CNTN4: variants seen among roughly 807,000 people sequenced by gnomAD.
The protein encoded by CNTN4 is contactin 4, also known as contactin-4.
Under a neutral mutation model 122.5 loss-of-function variants are expected in CNTN4, and 77 were observed. The ratio of observed to expected loss-of-function variants is 0.63; its 90% CI spans 0.52 to 0.76. The LOEUF is 0.76. Among genes scored for constraint, CNTN4 ranks in the 30% least tolerant of loss-of-function variants. CNTN4 has a pLI of 0.00. For missense variants in CNTN4, 1,256 were observed against 1,259.1 expected, an observed-to-expected ratio of 1.00 and a Z score of 0.04; for synonymous variants, 512 against 447.0, an observed-to-expected ratio of 1.15 and a Z score of -1.83.
At chr3:2,712,407 G>C (rs1317001325) in intron 4 of CNTN4, among the ~76,000 whole-genome samples, 1 of 152,286 alleles carries the variant, frequency 6.6e-6, no homozygotes, top group Middle Eastern at 3.4e-3. Context: ...AGCTAGTATA[G>C]AGGAGAAAAG....
intron 3 of CNTN4, among the ~76,000 whole-genome samples, chr3:2,409,890 T>C (rs1015937462): frequency 3.3e-5 from 5 of 152,112 alleles, no homozygotes; most frequent in African/African-American, 1.2e-4. Context: ...ACAGATACAG[T>C]TTATGGCTGA....
At chr3:2,640,124 A>C (rs1461611725) in intron 4 of CNTN4, among the ~76,000 whole-genome samples, 1 of 152,210 alleles carries the variant, frequency 6.6e-6, no homozygotes, top group East Asian at 1.9e-4. Context: ...TAAGAGAATA[A>C]TCTGACATTG....
intron 2 of CNTN4, among the ~76,000 whole-genome samples, chr3:2,291,004 A>G (rs776712587): frequency 2.0e-5 from 3 of 152,212 alleles, no homozygotes; most frequent in Non-Finnish European, 4.4e-5. Flanking sequence ...TTTTTAAAAG[A>G]ATCCAACTAT....
chr3:2,465,872 A>G (rs963504760), intron 3 of CNTN4, among the ~76,000 whole-genome samples: 12 of 152,170 alleles, frequency 7.9e-5, no homozygotes, highest in African/African-American at 2.4e-4. Context: ...GATAATTTAC[A>G]TAACATTTTG....
At chr3:2,406,665 C>A (rs1194724894) in intron 3 of CNTN4, among the ~76,000 whole-genome samples, 1 of 152,036 alleles carries the variant, frequency 6.6e-6, no homozygotes, top group Non-Finnish European at 1.5e-5. Context: ...TAATATTGTA[C>A]AACATACCTC....
intron 2 of CNTN4, among the ~76,000 whole-genome samples, chr3:2,210,975 G>A (rs1249749559): frequency 1.3e-5 from 2 of 152,084 alleles, no homozygotes; most frequent in East Asian, 1.9e-4. Flanking sequence ...CTTGAATCAC[G>A]CAGTGTGTAT....
chr3:2,500,688 A>G (rs2076571162), intron 3 of CNTN4, among the ~76,000 whole-genome samples: 1 of 152,026 alleles, frequency 6.6e-6, no homozygotes, highest in East Asian at 1.9e-4. Flanking sequence ...TTCTGAAGAC[A>G]ACTTTTGATA....
chr3:2,552,598 A>C (rs1450017858), intron 3 of CNTN4, among the ~76,000 whole-genome samples: 1 of 152,198 alleles, frequency 6.6e-6, no homozygotes, highest in African/African-American at 2.4e-5. Context: ...GGCACAGAAA[A>C]GGTGATTTAT....
intron 2 of CNTN4, among the ~76,000 whole-genome samples, chr3:2,336,481 T>C (rs1252451885): frequency 6.6e-6 from 1 of 152,302 alleles, no homozygotes; most frequent in East Asian, 1.9e-4. Flanking sequence ...TTGTATTCAT[T>C]GCTCACTTAT....
chr3:2,633,168 G>A (rs2082517469), intron 4 of CNTN4, among the ~76,000 whole-genome samples: 1 of 152,082 alleles, frequency 6.6e-6, no homozygotes, highest in Non-Finnish European at 1.5e-5. Context: ...GTAAATAGGA[G>A]TCCAGTCATG....
chr3:3,000,440 T>G (rs1695924114), intron 14 of CNTN4, among the ~76,000 whole-genome samples: 1 of 152,070 alleles, frequency 6.6e-6, no homozygotes, highest in Non-Finnish European at 1.5e-5. Context: ...TAAAGAGATA[T>G]CAAACTCTAT....
At chr3:2,581,865 A>G (rs1013158007) in intron 4 of CNTN4, among the ~76,000 whole-genome samples, 2 of 152,250 alleles carry the variant, frequency 1.3e-5, no homozygotes, top group South Asian at 4.1e-4. Context: ...AACTTTGAAG[A>G]TACCGTGCTA....
intron 4 of CNTN4, among the ~76,000 whole-genome samples, chr3:2,658,824 G>A (rs2083719605): frequency 6.6e-6 from 1 of 151,992 alleles, no homozygotes; most frequent in South Asian, 2.1e-4. Context: ...TTATAATGAA[G>A]CTCACTCTAT....
chr3:2,307,211 A>G (rs1304321963), intron 2 of CNTN4, among the ~76,000 whole-genome samples: 2 of 152,114 alleles, frequency 1.3e-5, no homozygotes, highest in East Asian at 1.9e-4. Flanking sequence ...TGAGGCGGGC[A>G]GACCACAAGG....
intron 4 of CNTN4, among the ~76,000 whole-genome samples, chr3:2,726,594 T>A (rs1017507138): frequency 3.3e-5 from 5 of 152,222 alleles, no homozygotes; most frequent in African/African-American, 9.6e-5. Context: ...TCATTTACAT[T>A]TCTCTAGCTA....
At chr3:2,923,897 T>G (rs960796262) in intron 12 of CNTN4, among the ~76,000 whole-genome samples, 9 of 152,204 alleles carry the variant, frequency 5.9e-5, no homozygotes, top group African/African-American at 2.2e-4. Flanking sequence ...CTACAATTTT[T>G]ATTGCATGAT....
Position 2,729,413 on chromosome 3 carries a change from C to T in CNTN4, c.56-6802C>T, listed in dbSNP as rs144677289. ...ACAAAAAATTAGCCGGGCGTGGTGG[C>T]AGGCGCCTGTATTTCCAGCTACTCG... On this transcript the variant is annotated intron_variant, in intron 4 of 24. Transcript: ENST00000418658. Among the ~76,000 whole-genome samples the T allele has an allele frequency of 8.6e-5, 13 of 151,008 alleles. No homozygotes were observed. In the East Asian group the frequency reaches 2.2e-3, roughly 25 times the overall value.
chr3:2,484,488 G>A (rs1392622162), intron 3 of CNTN4, among the ~76,000 whole-genome samples: 1 of 152,110 alleles, frequency 6.6e-6, no homozygotes, highest in Non-Finnish European at 1.5e-5. Flanking sequence ...TGTATTCCAT[G>A]TGAGGACCCT....
At chr3:2,384,908 A>T (rs971584469) in intron 3 of CNTN4, among the ~76,000 whole-genome samples, 1 of 151,506 alleles carries the variant, frequency 6.6e-6, no homozygotes, top group African/African-American at 2.4e-5. Flanking sequence ...CTTAAGCAAT[A>T]TTCTTTTTTA....
Sources: gnomAD v4.1 joint callset for allele counts (sites outside exome capture counted in the v4.1 genomes callset) on GRCh38, gnomAD v4.1.1 for gene constraint, MANE v1.5 for transcripts, NCBI Gene and HGNC (gene_info 2026-07-23, HGNC 2026-07-21) for gene names.